Variants in ST7 observed in about 807,000 individuals in gnomAD.
ST7 encodes the protein suppressor of tumorigenicity 7 protein.
A neutral mutation model predicts 78.7 loss-of-function variants in ST7; 28 were observed. That is an observed-to-expected ratio of 0.36 (90% CI 0.26 to 0.49). The LOEUF (loss-of-function observed/expected upper bound fraction) is 0.49, where lower values mean the gene tolerates loss of function less well. ST7 is among the 20% of genes least tolerant of loss of function. ST7 has a pLI of 0.99. For missense variants in ST7, 418 were observed against 696.0 expected (o/e 0.60, Z 4.49); for synonymous variants, 247 against 249.6 (o/e 0.99, Z 0.10).
chr7:117,096,067 CAAAAAAAAAA>C (rs35970973), intron 1 of ST7, among the ~76,000 whole-genome samples: 11 of 35,674 alleles, frequency 3.1e-4, no homozygotes, highest in Admixed American at 5.0e-4. Flanking sequence ...GATTCTGCCT[CAAAAAAAAAA>C]AAAAAAAAAA....
At chr7:117,105,186 G>A (rs901144351) in intron 2 of ST7, among the ~76,000 whole-genome samples, 3 of 152,326 alleles carry the variant, frequency 2.0e-5, no homozygotes, top group South Asian at 2.1e-4. Context: ...GATGGAACTG[G>A]AGGTCATTAT....
rs533989955 is a variant in ST7, at chr7:117,156,911, T to G, written c.964-13951T>G. On this transcript the variant is annotated intron_variant, in intron 9 of 15. Coordinates refer to ENST00000323984, the MANE Select transcript of ST7 (RefSeq NM_001369598.1). ...GGTCAGAGCATTGCACAGTTGAATT[T>G]TAAAGGAACATATCTAGATAACGTC... Among the ~76,000 whole-genome samples the G allele has an allele frequency of 3.7e-4, 57 of 152,230 alleles. 1 individual carries two copies. The highest frequency in any genetic ancestry group is 2.2e-3 in the Admixed American group (33 of 15,288).
At chr7:117,046,415 G>A (rs558145006) in intron 1 of ST7, among the ~76,000 whole-genome samples, 70 of 152,098 alleles carry the variant, frequency 4.6e-4, no homozygotes, top group African/African-American at 1.6e-3. Flanking sequence ...AACTGAAATG[G>A]CTTTTCTTCC....
chr7:117,088,643 T>A (rs1354370285), intron 1 of ST7, among the ~76,000 whole-genome samples: 1 of 152,202 alleles, frequency 6.6e-6, no homozygotes, highest in Non-Finnish European at 1.5e-5. Flanking sequence ...ACTATTAAAG[T>A]TTCTGTAATA....
chr7:117,209,495 T>G (rs1792107921), intron 12 of ST7, among the ~76,000 whole-genome samples: 1 of 152,268 alleles, frequency 6.6e-6, no homozygotes, highest in Non-Finnish European at 1.5e-5. Context: ...TTATTGTGTC[T>G]TCTACATTTT....
intron 1 of ST7, among the ~76,000 whole-genome samples, chr7:117,079,425 T>C (rs952276649): frequency 3.3e-5 from 5 of 152,220 alleles, no homozygotes; most frequent in Non-Finnish European, 5.9e-5. Context: ...CTGTAAAAAT[T>C]GTTTCATGTT....
intron 9 of ST7, among the ~76,000 whole-genome samples, chr7:117,156,591 TG>T (rs2117187645): frequency 6.6e-6 from 1 of 152,150 alleles, no homozygotes; most frequent in South Asian, 2.1e-4. Flanking sequence ...ATCATGTATG[TG>T]GAGAGATAGA....
At chr7:116,966,649 C>A (rs923073888) in intron 1 of ST7, among the ~76,000 whole-genome samples, 2 of 152,178 alleles carry the variant, frequency 1.3e-5, no homozygotes, top group Non-Finnish European at 2.9e-5. Flanking sequence ...TGACTAGTCA[C>A]CCAGAAGATT....
At chr7:117,140,782 A>G (rs1475232418) in intron 9 of ST7, among the ~76,000 whole-genome samples, 1 of 152,196 alleles carries the variant, frequency 6.6e-6, no homozygotes, top group Non-Finnish European at 1.5e-5. Context: ...TGGAGCATCC[A>G]GTAGACATGG....
chr7:117,217,440 G>A (rs911049284), intron 13 of ST7, among the ~76,000 whole-genome samples: 2 of 152,154 alleles, frequency 1.3e-5, no homozygotes, highest in Admixed American at 1.3e-4. Context: ...AGAGATTTTA[G>A]TGTATCCTAT....
At chr7:117,063,003 G>T (rs1798436499) in intron 1 of ST7, among the ~76,000 whole-genome samples, 1 of 152,102 alleles carries the variant, frequency 6.6e-6, no homozygotes, top group African/African-American at 2.4e-5. Context: ...GAAATCCCTT[G>T]GTTTTGACCT....
At chr7:117,058,402 A>G (rs1798176113) in intron 1 of ST7, among the ~76,000 whole-genome samples, 1 of 152,174 alleles carries the variant, frequency 6.6e-6, no homozygotes, top group Non-Finnish European at 1.5e-5. Context: ...AACTTCAAAT[A>G]TGTTCTATTT....
At chr7:117,140,207 AT>A (rs1465940429) in intron 9 of ST7, among the ~76,000 whole-genome samples, 1 of 152,158 alleles carries the variant, frequency 6.6e-6, no homozygotes, top group Admixed American at 6.6e-5. Context: ...TTTGTTTACT[AT>A]TATTTTATAC....
Position 117,143,986 on chromosome 7 carries a change from G to C in ST7, c.963+5454G>C, listed in dbSNP as rs149478770. Among the ~76,000 whole-genome samples the C allele has an allele frequency of 1.1e-4, 16 of 152,232 alleles. No homozygotes were observed. In the East Asian group the frequency reaches 3.1e-3, roughly 29 times the overall value. On this transcript the variant is annotated intron_variant, in intron 9 of 15. Transcript: ENST00000323984. Reference sequence around the variant, plus strand: ...TAATTGAGGATCCCCAAACCTTCGTGTGCGTTTACCTGTTGATATTTACCA... The same window carrying C: ...TAATTGAGGATCCCCAAACCTTCGTCTGCGTTTACCTGTTGATATTTACCA...
Position 117,157,396 on chromosome 7 carries a change from T to A in ST7, c.964-13466T>A, listed in dbSNP as rs115218822. The stretch of plus-strand genomic sequence containing the variant: ...TCATGGACTCAGATTCCAGGAGGGT[T>A]CAGTGGAAAGACTTGGGGAGCAAAG... On this transcript the variant is annotated intron_variant, in intron 9 of 15. Coordinates refer to ENST00000323984, the MANE Select transcript of ST7 (RefSeq NM_001369598.1). Among the ~76,000 whole-genome samples, 494 of 152,266 alleles carry A rather than the reference T, an allele frequency of 3.2e-3. 3 individuals carry two copies. Among genetic ancestry groups the A allele is most frequent in the African/African-American group, 8.3e-3 (346 of 41,544 alleles).
At chr7:117,129,253 T>A (rs1296439050) in intron 3 of ST7, among the ~76,000 whole-genome samples, 1 of 151,868 alleles carries the variant, frequency 6.6e-6, no homozygotes, top group East Asian at 1.9e-4. Flanking sequence ...CTTCCTACAA[T>A]ATGGTAATCT....
At chr7:117,017,449 GATT>G (rs1259227212) in intron 1 of ST7, among the ~76,000 whole-genome samples, 1 of 152,148 alleles carries the variant, frequency 6.6e-6, no homozygotes, top group African/African-American at 2.4e-5. Flanking sequence ...CTCATTTAAT[GATT>G]ATTATTTTGA....
At chr7:116,969,834 G>A (rs1032471740) in intron 1 of ST7, among the ~76,000 whole-genome samples, 3 of 152,172 alleles carry the variant, frequency 2.0e-5, no homozygotes, top group Non-Finnish European at 4.4e-5. Context: ...CTAGCACTTT[G>A]GGAGGCCAAG....
rs190256330 is a variant in ST7, at chr7:117,114,877, T to C, written c.235-4684T>C. On this transcript the variant is annotated intron_variant, in intron 2 of 15. Coordinates refer to ENST00000323984, the MANE Select transcript of ST7 (RefSeq NM_001369598.1). ...TATTGTTCCTTTGTCTGATTTTTGT[T>C]CCCTGCAGGTAAATATGAGACAAGT... Among the ~76,000 whole-genome samples the C allele has an allele frequency of 8.5e-5, 13 of 152,312 alleles. No homozygotes were observed. The East Asian group carries it at 2.3e-3, about 27-fold the overall frequency.
Sources: gnomAD v4.1 joint callset for allele counts (sites outside exome capture counted in the v4.1 genomes callset) on GRCh38, gnomAD v4.1.1 for gene constraint, MANE v1.5 for transcripts, NCBI Gene and HGNC (gene_info 2026-07-23, HGNC 2026-07-21) for gene names.